Variants in ZCCHC10 observed in about 807,000 individuals in gnomAD.
The protein encoded by ZCCHC10 is zinc finger CCHC-type containing 10.
ZCCHC10 carries 16 observed loss-of-function variants against 19.5 expected under a neutral mutation model. The observed-to-expected ratio is 0.82, with a 90% CI of 0.56 to 1.25. ZCCHC10 has a LOEUF of 1.25. Among genes scored for constraint, ZCCHC10 ranks in the 50% most tolerant of loss-of-function variants. ZCCHC10 has a pLI of 0.00. For synonymous variants in ZCCHC10, 67 were observed against 72.5 expected, an observed-to-expected ratio of 0.92 and a Z score of 0.38; for missense variants, 197 against 201.0, an observed-to-expected ratio of 0.98 and a Z score of 0.12.
chr5:133,010,699 G>A (rs1000072463), intron 2 of ZCCHC10, among the ~76,000 whole-genome samples: 5 of 152,080 alleles, frequency 3.3e-5, no homozygotes, highest in Non-Finnish European at 5.9e-5. Context: ...TCAAATTCCT[G>A]AGCTCAAGTG....
chr5:133,011,476 T>C (rs1187580507), intron 2 of ZCCHC10: 3 of 151,406 alleles, frequency 2.0e-5, no homozygotes, highest in African/African-American at 4.9e-5. Flanking sequence ...TACAAAAAAA[T>C]TTAGCTGCGT....
At chr5:133,003,277 T>C (rs1016406466) in intron 3 of ZCCHC10, 3 of 461,088 alleles carry the variant, frequency 6.5e-6, no homozygotes, top group African/African-American at 4.0e-5. Context: ...CCCAGAGCCC[T>C]GAACAAACTG....
In ZCCHC10 at chr5:133,023,503, G is replaced by A. The variant is rs372703757; in HGVS notation, c.42-597C>T. 4.0e-5 allele frequency among the ~76,000 whole-genome samples: 6 copies of A among 148,834 alleles called. No individual in the cohort carries two copies. The East Asian group carries it at 5.9e-4, about 15-fold the overall frequency. On this transcript the variant is annotated intron_variant, in intron 1 of 4. Coordinates refer to ENST00000509437, the MANE Select transcript of ZCCHC10 (RefSeq NM_001300816.3). ...TTTAAAGAACGATAAAGCCAGGTGC[G>A]GTGGCTCACACCTGTAATCCCAGCA...
At chr5:133,023,454 C>G (rs1266985034) in intron 1 of ZCCHC10, among the ~76,000 whole-genome samples, 6 of 147,196 alleles carry the variant, frequency 4.1e-5, no homozygotes, top group African/African-American at 1.5e-4. Flanking sequence ...TCTATTAGTC[C>G]AAAGACCTTT....
In ZCCHC10 at chr5:132,997,080, A is replaced by G. The variant is rs1174816052; in HGVS notation, c.*1503T>C. On this transcript the variant is annotated 3_prime_UTR_variant, in exon 5 of 5. Coordinates refer to ENST00000509437, the MANE Select transcript of ZCCHC10 (RefSeq NM_001300816.3). ...TTCTCATCCGTGTTCTTTAACTGCT[A>G]ATATTACCTTTACAGAGACAAACAT... The G allele has an allele frequency of 1.3e-5, 2 of 152,232 alleles. No individual in the cohort carries two copies. Among genetic ancestry groups the G allele is most frequent in the African/African-American group, 4.8e-5 (2 of 41,464 alleles). 9.4% of individuals were successfully genotyped at this position (152,232 alleles called of 1,614,324 possible). A position where few individuals can be genotyped will look rare whatever the true frequency, so the allele number is the denominator to read the frequency against.
At chr5:133,013,726 AAT>A (rs751817684) in intron 2 of ZCCHC10, among the ~76,000 whole-genome samples, 85 of 151,898 alleles carry the variant, frequency 5.6e-4, no homozygotes, top group African/African-American at 7.5e-4. Context: ...CATCTCAAAC[AAT>A]ATATATATAT....
rs1226450470 is a variant in ZCCHC10 at position 133,026,538 on chromosome 5, C to T, written c.-1G>A. On this transcript the variant is annotated 5_prime_UTR_variant, in exon 1 of 5. Coordinates refer to ENST00000509437, the MANE Select transcript of ZCCHC10 (RefSeq NM_001300816.3). ...TTAGCCGATGCATGGGAGTCGCCAT[C>T]TTAGCGCGGTCAAAGCCGGCCGCGC... 4 of 1,613,552 alleles carry T rather than the reference C, an allele frequency of 2.5e-6. No individual in the cohort carries two copies. The African/African-American group carries it at 4.0e-5, about 16-fold the overall frequency.
chr5:133,018,099 C>T (rs11242131), intron 2 of ZCCHC10, among the ~76,000 whole-genome samples: 46,213 of 148,750 alleles, frequency 0.31, 8,054 homozygotes, highest in African/African-American at 0.48. Context: ...GAGCCGAGAT[C>T]GCACCACAGC....
intron 2 of ZCCHC10, among the ~76,000 whole-genome samples, chr5:133,018,035 C>T (rs979409450): frequency 2.0e-5 from 3 of 150,646 alleles, no homozygotes; most frequent in East Asian, 2.0e-4. Flanking sequence ...GTCCCAACTG[C>T]GTGGGAGGCT....
chr5:132,998,165 A>T lies in ZCCHC10; in HGVS notation c.*418T>A, dbSNP rs868286595. 1 of 162,336 alleles carries T rather than the reference A, an allele frequency of 6.2e-6. No individual in the cohort carries two copies. Among genetic ancestry groups the T allele is most frequent in the Non-Finnish European group, 1.4e-5 (1 of 73,472 alleles). 10.1% of individuals were successfully genotyped at this position (162,336 alleles called of 1,614,324 possible). ...AAACTCCTAAGCTTACAGTAACAAC[A>T]TATTAAATCTTACATAACATACAGC... On this transcript the variant is annotated 3_prime_UTR_variant, in exon 5 of 5. Coordinates refer to ENST00000509437, the MANE Select transcript of ZCCHC10 (RefSeq NM_001300816.3).
At chr5:133,015,670 T>G (rs1763872849) in intron 2 of ZCCHC10, among the ~76,000 whole-genome samples, 1 of 152,120 alleles carries the variant, frequency 6.6e-6, no homozygotes, top group African/African-American at 2.4e-5. Context: ...CCAGTTCTGG[T>G]CAAGCCTTCA....
intron 2 of ZCCHC10, among the ~76,000 whole-genome samples, chr5:133,014,154 C>CTTTTTTT (rs767551153): frequency 1.8e-5 from 2 of 113,076 alleles, no homozygotes; most frequent in Non-Finnish European, 3.4e-5. Context: ...ACTATTTACT[C>CTTTTTTT]TTTTTTTTTT....
chr5:133,026,405 C>T (rs929967323), intron 1 of ZCCHC10, 92 bp downstream of exon 1: 3 of 1,513,582 alleles, frequency 2.0e-6, no homozygotes, highest in Non-Finnish European at 2.7e-6. Flanking sequence ...GGACATTCTC[C>T]GCCGGTCCCA....
chr5:133,023,060 G>A (rs1483963539), intron 1 of ZCCHC10, among the ~76,000 whole-genome samples, 154 bp from the exon 2 acceptor site: 2 of 152,102 alleles, frequency 1.3e-5, no homozygotes, highest in Non-Finnish European at 2.9e-5. Context: ...AAAAACAAGG[G>A]AGTAAGAAAG....
chr5:133,017,513 G>A (rs1764003422), intron 2 of ZCCHC10, among the ~76,000 whole-genome samples: 1 of 151,940 alleles, frequency 6.6e-6, no homozygotes, highest in East Asian at 1.9e-4. Flanking sequence ...GGGACCACAG[G>A]TGCGCACCAC....
At chr5:133,001,953 C>CATT (rs759455367) in intron 3 of ZCCHC10, among the ~76,000 whole-genome samples, 11 of 77,842 alleles carry the variant, frequency 1.4e-4, no homozygotes, top group Admixed American at 2.9e-4. Context: ...ATTCAGCAAT[C>CATT]TTTTTTTTTT....
intron 3 of ZCCHC10, chr5:133,003,185 G>T: frequency 2.7e-6 from 1 of 363,836 alleles, no homozygotes; most frequent in Admixed American, 3.0e-5. Context: ...GTATTTATTG[G>T]AACTGGAGGT....
intron 2 of ZCCHC10, among the ~76,000 whole-genome samples, chr5:133,015,428 T>C (rs543487353): frequency 4.6e-5 from 7 of 152,262 alleles, no homozygotes; most frequent in Non-Finnish European, 8.8e-5. Flanking sequence ...TTAAAATATG[T>C]TCACAAATTT....
At position 133,026,417 on chromosome 5, in the gene ZCCHC10, T is replaced by C. The variant is rs370606683; in HGVS notation, c.41+80A>G. 3.2e-4 allele frequency: 502 copies of C among 1,547,954 alleles called. 5 individuals carry two copies. The African/African-American group carries it at 6.1e-3, about 19-fold the overall frequency. ...AACGGACATTCTCCGCCGGTCCCAA[T>C]AGGGGTCCGACACCAGCCCGTTGAC... On this transcript the variant is annotated intron_variant, in intron 1 of 4. Transcript: ENST00000509437.
Sources: allele counts gnomAD v4.1 joint callset (sites outside exome capture counted in the v4.1 genomes callset), GRCh38; gene constraint gnomAD v4.1.1; transcripts MANE v1.5; gene names NCBI Gene and HGNC (gene_info 2026-07-23, HGNC 2026-07-21).